The following MYRIP variants were observed in gnomAD, a reference collection of about 807,000 sequenced individuals.
MYRIP encodes myosin VIIA and Rab interacting protein, also known as rab effector MyRIP.
Under a neutral mutation model 98.0 loss-of-function variants are expected in MYRIP, and 49 were observed. The ratio of observed to expected loss-of-function variants is 0.50; its 90% CI spans 0.40 to 0.63. The LOEUF (loss-of-function observed/expected upper bound fraction) is 0.63, where lower values mean the gene tolerates loss of function less well. Ranked by LOEUF, MYRIP falls within the 30% of genes least tolerant of loss-of-function variation. MYRIP has a pLI of 0.00. For missense variants in MYRIP, 1,004 were observed against 1,058.2 expected, an observed-to-expected ratio of 0.95 and a Z score of 0.71; for synonymous variants, 404 against 409.5, an observed-to-expected ratio of 0.99 and a Z score of 0.16.
At chr3:39,810,101 A>AGGGGCGC (rs1372421891) in intron 1 of MYRIP, among the ~76,000 whole-genome samples, 185 bp downstream of exon 1, 1 of 152,144 alleles carries the variant, frequency 6.6e-6, no homozygotes, top group Non-Finnish European at 1.5e-5. Context: ...CGGAGGGGCG[A>AGGGGCGC]GGGGCGCGGG....
At position 40,258,332 on chromosome 3, in the gene MYRIP, C is replaced by T. The variant is rs1006036830; in HGVS notation, c.*166C>T. On this transcript the variant is annotated 3_prime_UTR_variant, in exon 17 of 17. Transcript: ENST00000302541. ...TGTCCTGATACCTCATCCAGAAAGC[C>T]GTCTCAGACTTCAGCACTGCGGTCT... 1.4e-5 allele frequency: 10 copies of T among 721,582 alleles called. No individual in the cohort carries two copies. The highest frequency in any genetic ancestry group is 7.0e-5 in the South Asian group (4 of 57,226). The allele number at this position is 721,582 out of a possible 1,614,324, so 44.7% of individuals were successfully genotyped here.
intron 2 of MYRIP, among the ~76,000 whole-genome samples, chr3:39,937,872 G>A (rs1944693545): frequency 6.6e-6 from 1 of 152,024 alleles, no homozygotes; most frequent in Non-Finnish European, 1.5e-5. Flanking sequence ...TTTTGTGGAG[G>A]AAAAAGGACA....
chr3:39,889,090 A>C (rs1454643219), intron 1 of MYRIP, among the ~76,000 whole-genome samples: 3 of 152,030 alleles, frequency 2.0e-5, no homozygotes, highest in Admixed American at 6.6e-5. Context: ...GGGACTGTAA[A>C]CTAGTTCAAC....
chr3:40,124,047 T>C (rs1432612488), intron 3 of MYRIP, among the ~76,000 whole-genome samples: 1 of 152,202 alleles, frequency 6.6e-6, no homozygotes, highest in Admixed American at 6.5e-5. Flanking sequence ...AAACTTCTTA[T>C]GACTTAGCCT....
chr3:39,884,809 A>C (rs57198979), intron 1 of MYRIP, among the ~76,000 whole-genome samples: 1 of 139,218 alleles, frequency 7.2e-6, no homozygotes, highest in African/African-American at 2.6e-5. Context: ...AGTCATTATT[A>C]TTTTTTTTTT....
At chr3:40,023,993 T>C (rs1947065077) in intron 2 of MYRIP, among the ~76,000 whole-genome samples, 1 of 152,204 alleles carries the variant, frequency 6.6e-6, no homozygotes. Context: ...CTAAGATTAA[T>C]GTGGCCTATG....
chr3:39,854,927 C>T (rs1194817942), intron 1 of MYRIP, among the ~76,000 whole-genome samples: 1 of 152,066 alleles, frequency 6.6e-6, no homozygotes, highest in Non-Finnish European at 1.5e-5. Flanking sequence ...GTCTAGCCAC[C>T]CAGAGGGGCA....
rs555667279 is a variant in MYRIP at position 39,861,422 on chromosome 3, C to A, written c.-30-39365C>A. 2.6e-5 allele frequency among the ~76,000 whole-genome samples: 4 copies of A among 152,256 alleles called. No individual in the cohort carries two copies. The South Asian group carries it at 8.3e-4, about 32-fold the overall frequency. On this transcript the variant is annotated intron_variant, in intron 1 of 16. Transcript: ENST00000302541. Reference sequence around the variant, plus strand: ...AACCAGCAAAAGAACTCTGGCAAATCAAAAAACCAGAGTGTTTTCTTACCT... The same window carrying A: ...AACCAGCAAAAGAACTCTGGCAAATAAAAAAACCAGAGTGTTTTCTTACCT...
chr3:39,873,914 G>C (rs1481613447), intron 1 of MYRIP, among the ~76,000 whole-genome samples: 1 of 151,964 alleles, frequency 6.6e-6, no homozygotes, highest in Non-Finnish European at 1.5e-5. Context: ...CATTGAATCT[G>C]TAAATTACCT....
At chr3:40,017,012 A>T (rs1438181426) in intron 2 of MYRIP, among the ~76,000 whole-genome samples, 2 of 152,216 alleles carry the variant, frequency 1.3e-5, no homozygotes, top group African/African-American at 4.8e-5. Flanking sequence ...TCATTGACAT[A>T]ATTACAGAGA....
At chr3:39,904,586 GTTA>G (rs1943831087) in intron 2 of MYRIP, among the ~76,000 whole-genome samples, 2 of 151,888 alleles carry the variant, frequency 1.3e-5, no homozygotes, top group African/African-American at 4.8e-5. Flanking sequence ...ATGTGATATT[GTTA>G]CCCATATGGA....
intron 1 of MYRIP, among the ~76,000 whole-genome samples, chr3:39,892,006 C>G (rs891637313): frequency 6.6e-6 from 1 of 151,900 alleles, no homozygotes; most frequent in Non-Finnish European, 1.5e-5. Flanking sequence ...ACAAATACAT[C>G]TCTCTTTGTA....
chr3:40,034,716 T>C (rs1947338342), intron 2 of MYRIP, among the ~76,000 whole-genome samples: 1 of 151,530 alleles, frequency 6.6e-6, no homozygotes, highest in African/African-American at 2.4e-5. Context: ...AGCCATCCCA[T>C]TACTGGGTAT....
chr3:39,956,383 A>G (rs1158852003), intron 2 of MYRIP, among the ~76,000 whole-genome samples: 2 of 152,198 alleles, frequency 1.3e-5, no homozygotes, highest in African/African-American at 2.4e-5. Flanking sequence ...CTCACTCAAA[A>G]CAACCCAACT....
rs970339257 is a variant in MYRIP, at chr3:40,244,635, G to A, written c.2262+28G>A. 5.1e-6 allele frequency: 8 copies of A among 1,570,536 alleles called. No individual in the cohort carries two copies. The East Asian group carries it at 1.6e-4, about 32-fold the overall frequency. ...GAGAACTCTCCTCTCTGCCCACATG[G>A]GTCCTGCAGGGTGAAACAGGGAGCC... On this transcript the variant is annotated intron_variant, in intron 13 of 16. Transcript: ENST00000302541.
chr3:39,952,467 G>A (rs1242050589), intron 2 of MYRIP, among the ~76,000 whole-genome samples: 2 of 151,912 alleles, frequency 1.3e-5, no homozygotes, highest in Non-Finnish European at 2.9e-5. Context: ...CACTAATACG[G>A]TATATTACAT....
Position 40,030,812 on chromosome 3 carries a change from G to A in MYRIP, c.111-13238G>A, listed in dbSNP as rs547935777. Among the ~76,000 whole-genome samples the A allele has an allele frequency of 3.9e-5, 6 of 152,228 alleles. No homozygotes were observed. In the South Asian group the frequency reaches 1.2e-3, roughly 32 times the overall value. On this transcript the variant is annotated intron_variant, in intron 2 of 16. Transcript: ENST00000302541. Reference sequence around the variant, plus strand: ...ACAGAAAGTAGATTAGTGGTTTGCAGAGGCTGAGGGCAGGGGAGAATGCTT... The same window carrying A: ...ACAGAAAGTAGATTAGTGGTTTGCAAAGGCTGAGGGCAGGGGAGAATGCTT...
At chr3:40,084,323 CGATA>C (rs372149887) in intron 3 of MYRIP, among the ~76,000 whole-genome samples, 7 of 77,034 alleles carry the variant, frequency 9.1e-5, no homozygotes, top group African/African-American at 4.0e-4. Context: ...TATTATATAT[CGATA>C]GATAATACAC....
intron 1 of MYRIP, among the ~76,000 whole-genome samples, chr3:39,876,914 C>T (rs1158920819): frequency 6.6e-6 from 1 of 152,198 alleles, no homozygotes; most frequent in Non-Finnish European, 1.5e-5. Context: ...GGAAGTTCTC[C>T]TGGATAATAT....
Sources: gnomAD v4.1 joint callset for allele counts (sites outside exome capture counted in the v4.1 genomes callset) on GRCh38, gnomAD v4.1.1 for gene constraint, MANE v1.5 for transcripts, NCBI Gene and HGNC (gene_info 2026-07-23, HGNC 2026-07-21) for gene names.